Variants in ALPK1 observed in about 807,000 individuals in gnomAD.
The protein encoded by ALPK1 is alpha-protein kinase 1.
ALPK1 carries 110 observed loss-of-function variants against 120.6 expected under a neutral mutation model. That is an observed-to-expected ratio of 0.91 (90% CI 0.78 to 1.07). The LOEUF is 1.07. Ranked by LOEUF, ALPK1 falls within the 50% of genes least tolerant of loss-of-function variation. The pLI is 0.00. For missense variants in ALPK1, 1,498 were observed against 1,483.9 expected, an observed-to-expected ratio of 1.01 and a Z score of -0.16; for synonymous variants, 582 against 560.3, an observed-to-expected ratio of 1.04 and a Z score of -0.55.
At chr4:112,352,975 T>C in intron 2 of ALPK1, 1 of 147,308 alleles carries the variant, frequency 6.8e-6, no homozygotes, top group South Asian at 2.2e-4. Flanking sequence ...CCTTTCCTTT[T>C]TTTTTTTTTT....
intron 1 of ALPK1, among the ~76,000 whole-genome samples, chr4:112,309,485 T>A (rs1728298763): frequency 6.6e-6 from 1 of 152,126 alleles, no homozygotes; most frequent in Admixed American, 6.5e-5. Flanking sequence ...CACCCTGCAG[T>A]TCGATCTCAG....
intron 2 of ALPK1, among the ~76,000 whole-genome samples, chr4:112,364,449 C>A (rs550758841): frequency 6.6e-6 from 1 of 151,874 alleles, no homozygotes; most frequent in Non-Finnish European, 1.5e-5. Flanking sequence ...CATGCATAAA[C>A]TAGAAAACCT....
chr4:112,432,455 C>T lies in ALPK1; in HGVS notation c.2908C>T (p.Leu970Phe), dbSNP rs779687835. ...GCCGGGAAAGATGAGGAAAGAGATCCTTGAGGCTCGCACCTTGCAACCTGA... is the reference window on the plus strand; with the variant it reads ...GCCGGGAAAGATGAGGAAAGAGATCTTTGAGGCTCGCACCTTGCAACCTGA... ...SLPGKMRKEI[L>F]EARTLQPDDF... The change falls in exon 11 of 16, where the codon CTT becomes TTT. Residue 970 changes from leucine (L) to phenylalanine (F), a missense_variant. Coordinates refer to ENST00000650871, the MANE Select transcript of ALPK1 (RefSeq NM_025144.4). The T allele has an allele frequency of 3.7e-6, 6 of 1,613,974 alleles. No homozygotes were observed. The Admixed American group carries it at 5.0e-5, about 13-fold the overall frequency.
Position 112,377,853 on chromosome 4 carries a change from C to T in ALPK1, c.76C>T (p.Pro26Ser), listed in dbSNP as rs1731735466. The T allele has an allele frequency of 6.2e-7, 1 of 1,613,424 alleles. No homozygotes were observed. The highest frequency in any genetic ancestry group is 1.7e-5 in the Admixed American group (1 of 59,984). The change falls in exon 3 of 16, where the codon CCA (proline) becomes TCA (serine). Residue 26 changes from proline (P) to serine (S), a missense_variant. Coordinates refer to ENST00000650871, the MANE Select transcript of ALPK1 (RefSeq NM_025144.4). ...QVLDQLLLEA[P>S]DVSEEDKSED... ...GCTGGATCAGCTCTTGTTGGAAGCG[C>T]CAGATGTGTCGGAAGAGGACAAGAG... is the stretch of plus-strand genomic sequence containing the variant.
At chr4:112,302,557 C>T (rs945954406) in intron 1 of ALPK1, 3 of 152,326 alleles carry the variant, frequency 2.0e-5, no homozygotes, top group African/African-American at 7.2e-5. Flanking sequence ...CAGAGCACCT[C>T]TGCCTTTTTC....
intron 2 of ALPK1, chr4:112,358,038 G>A (rs547269342): frequency 4.9e-6 from 3 of 607,882 alleles, no homozygotes; most frequent in Admixed American, 4.3e-5. Context: ...AATGGCAGTA[G>A]TGTGATCATC....
chr4:112,315,060 A>G (rs1332623639), intron 1 of ALPK1, among the ~76,000 whole-genome samples: 1 of 151,856 alleles, frequency 6.6e-6, no homozygotes, highest in Non-Finnish European at 1.5e-5. Flanking sequence ...TTGTATTTTT[A>G]GTAGAGACAG....
chr4:112,362,455 G>A (rs2189174), intron 2 of ALPK1, among the ~76,000 whole-genome samples: 40,639 of 152,064 alleles, frequency 0.27, 7,119 homozygotes, highest in Non-Finnish European at 0.39. Flanking sequence ...CAAAGTCTCA[G>A]CAACAGAATT....
chr4:112,325,969 A>G (rs1389189844), intron 2 of ALPK1, among the ~76,000 whole-genome samples: 1 of 152,088 alleles, frequency 6.6e-6, no homozygotes, highest in Non-Finnish European at 1.5e-5. Context: ...CCTTACTCAA[A>G]GCCTCCCCTC....
intron 2 of ALPK1, among the ~76,000 whole-genome samples, chr4:112,323,871 C>T (rs1043996377): frequency 6.6e-6 from 1 of 152,162 alleles, no homozygotes; most frequent in Admixed American, 6.5e-5. Flanking sequence ...ACCCATAGTA[C>T]ATCAAGCAGC....
At chr4:112,357,075 C>A in intron 2 of ALPK1, 2 of 996,680 alleles carry the variant, frequency 2.0e-6, no homozygotes, top group Non-Finnish European at 3.1e-6. Context: ...GAAGACATTG[C>A]AAAGCTGAAG....
At chr4:112,344,130 C>T (rs1056126657) in intron 2 of ALPK1, among the ~76,000 whole-genome samples, 7 of 152,064 alleles carry the variant, frequency 4.6e-5, no homozygotes, top group South Asian at 2.1e-4. Flanking sequence ...TTTAGAAAAG[C>T]GGGGAAAAAA....
intron 4 of ALPK1, chr4:112,384,829 C>A (rs914167972): frequency 6.7e-6 from 1 of 149,606 alleles, no homozygotes; most frequent in Non-Finnish European, 1.5e-5. Flanking sequence ...TGTAGGAGAC[C>A]AATCCAATAA....
intron 2 of ALPK1, among the ~76,000 whole-genome samples, chr4:112,320,841 C>G (rs999669853): frequency 6.6e-6 from 1 of 151,412 alleles, no homozygotes; most frequent in African/African-American, 2.4e-5. Flanking sequence ...TTTTCAGTAG[C>G]CTTGAATGAT....
At chr4:112,428,285 C>A (rs1183388791) in intron 9 of ALPK1, among the ~76,000 whole-genome samples, 3 of 152,202 alleles carry the variant, frequency 2.0e-5, no homozygotes, top group Non-Finnish European at 4.4e-5. Context: ...AGATCTCTGA[C>A]CAGCCCAGAG....
At chr4:112,421,709 T>C (rs1053811961) in intron 5 of ALPK1, among the ~76,000 whole-genome samples, 18 of 152,276 alleles carry the variant, frequency 1.2e-4, no homozygotes, top group African/African-American at 4.3e-4. Flanking sequence ...TACCCACCGA[T>C]TTAATGCCTT....
intron 12 of ALPK1, 81 bp downstream of exon 12, chr4:112,435,382 C>T (rs1346769691): frequency 2.3e-5 from 31 of 1,368,726 alleles, no homozygotes; most frequent in Admixed American, 1.7e-4. Context: ...CATGAGACTT[C>T]GTAGGGGCTG....
chr4:112,401,507 TG>T (rs1732912997), intron 4 of ALPK1, among the ~76,000 whole-genome samples: 2 of 152,106 alleles, frequency 1.3e-5, no homozygotes, highest in South Asian at 2.1e-4. Flanking sequence ...GTGACTAAGG[TG>T]GGGTGTAGAA....
At chr4:112,304,503 A>G (rs1363386564) in intron 1 of ALPK1, among the ~76,000 whole-genome samples, 3 of 152,116 alleles carry the variant, frequency 2.0e-5, no homozygotes, top group South Asian at 2.1e-4. Context: ...ATGGCCAGTG[A>G]TGATGAGCAT....
Sources: gnomAD v4.1 joint callset for allele counts (sites outside exome capture counted in the v4.1 genomes callset) on GRCh38, gnomAD v4.1.1 for gene constraint, MANE v1.5 for transcripts, NCBI Gene and HGNC (gene_info 2026-07-23, HGNC 2026-07-21) for gene names.